The following APBB1 variants were observed in gnomAD, a reference collection of about 807,000 sequenced individuals.
The protein encoded by APBB1 is amyloid beta precursor protein binding family B member 1, also known as adaptor protein FE65a2.
A neutral mutation model predicts 78.4 loss-of-function variants in APBB1; 22 were observed. The observed-to-expected ratio is 0.28, with a 90% CI of 0.20 to 0.40. The LOEUF (loss-of-function observed/expected upper bound fraction) is 0.40, where lower values mean the gene tolerates loss of function less well. Among genes scored for constraint, APBB1 ranks in the 10% least tolerant of loss-of-function variants. APBB1 has a pLI of 1.00. For missense variants in APBB1, 749 were observed against 932.4 expected (o/e 0.80, Z 2.56); for synonymous variants, 369 against 372.7 (o/e 0.99, Z 0.12).
chr11:6,395,781 C>T lies in APBB1; in HGVS notation c.1965+5G>A, dbSNP rs1590752798. The T allele has an allele frequency of 1.2e-6, 2 of 1,611,400 alleles. No homozygotes were observed. The highest frequency in any genetic ancestry group is 2.2e-5 in the East Asian group (1 of 44,870). The stretch of plus-strand genomic sequence containing the variant: ...CACCACCACACCACCCTACTAGTAG[C>T]TTACCATGCACGCAGCCTGCACAGC... On this transcript the variant is annotated splice_donor_5th_base_variant and intron_variant, in intron 14 of 14. Transcript: ENST00000609360. The surrounding 1 kb of genome is among the most constrained non-coding windows in gnomAD (Gnocchi z 5.2).
At chr11:6,408,629 C>T (rs56400934) in intron 2 of APBB1, among the ~76,000 whole-genome samples, 2 of 152,074 alleles carry the variant, frequency 1.3e-5, no homozygotes, top group East Asian at 1.9e-4. Flanking sequence ...CTCAACCTCC[C>T]GAGTAGCTGG....
At chr11:6,409,126 G>A (rs1848894748) in intron 2 of APBB1, among the ~76,000 whole-genome samples, 1 of 152,090 alleles carries the variant, frequency 6.6e-6, no homozygotes, top group African/African-American at 2.4e-5. Context: ...CTGGAATGCA[G>A]TGGCTCAATC....
At chr11:6,414,943 G>A (rs1849083109) in intron 1 of APBB1, among the ~76,000 whole-genome samples, 1 of 152,208 alleles carries the variant, frequency 6.6e-6, no homozygotes, top group Non-Finnish European at 1.5e-5. Context: ...TGCACTGTGA[G>A]GCTGAAACAG....
At chr11:6,419,445 G>T (rs1483898723), upstream of APBB1, 1 of 160,574 alleles carries the variant, frequency 6.2e-6, no homozygotes, top group African/African-American at 2.4e-5. Flanking sequence ...CCGCGGCCGC[G>T]CGGGGAAGGA....
In APBB1 at chr11:6,401,420, C is replaced by T. The variant is rs754789288; in HGVS notation, c.1513G>A (p.Glu505Lys). ...LHEICSKIMA[E>K]RRNARCLVNG... ...ACCAAGCAGCGGGCATTACGCCGTT[C>T]GGCCATGATCTGAGGAAGGAAGGGA... Residue 505 changes from glutamate to lysine, a missense_variant, in exon 11 of 15, where the codon GAA becomes AAA. This residue lies in a region of APBB1 where 635 missense variants were observed against 765.0 expected (regional missense o/e 0.83). Transcript: ENST00000609360. The surrounding 1 kb of genome is among the most constrained non-coding windows in gnomAD (Gnocchi z 4.5). The T allele has an allele frequency of 5.0e-6, 8 of 1,613,568 alleles. No homozygotes were observed. Among genetic ancestry groups the T allele is most frequent in the Admixed American group, 1.7e-5 (1 of 59,978 alleles).
chr11:6,410,103 G>A (rs12269889), intron 2 of APBB1, among the ~76,000 whole-genome samples: 4,229 of 151,286 alleles, frequency 0.028, 200 homozygotes, highest in African/African-American at 0.097. Context: ...AAACGGGGCC[G>A]ACTGTCCCAA....
In APBB1 at chr11:6,395,681, C is replaced by T; in HGVS notation, c.1986G>A (p.Leu662=). ...AACMLRYQKC[L]DARSQASTSC... ...AGGTGGAGGCCTGGGAACGGGCATCCAGACACTTCTGGTAGCGAAGCTGCG... is the reference window on the plus strand; with the variant it reads ...AGGTGGAGGCCTGGGAACGGGCATCTAGACACTTCTGGTAGCGAAGCTGCG... The change falls in exon 15 of 15, where the codon CTG becomes CTA. Residue 662 remains leucine (L), a synonymous_variant. Coordinates refer to ENST00000609360, the MANE Select transcript of APBB1 (RefSeq NM_001164.5). The surrounding 1 kb of genome is among the most constrained non-coding windows in gnomAD (Gnocchi z 5.2). 1.3e-6 allele frequency: 2 copies of T among 1,589,442 alleles called. No homozygotes were observed. Among genetic ancestry groups the T allele is most frequent in the Non-Finnish European group, 8.6e-7 (1 of 1,167,204 alleles).
chr11:6,415,532 C>A (rs1278205944), intron 1 of APBB1, among the ~76,000 whole-genome samples: 1 of 152,142 alleles, frequency 6.6e-6, no homozygotes, highest in African/African-American at 2.4e-5. Flanking sequence ...GACTGAATAT[C>A]ATGAAGGAGG....
At position 6,401,267 on chromosome 11, in the gene APBB1, A is replaced by G. The variant is rs1848484916; in HGVS notation, c.1588+78T>C. 4 of 1,613,088 alleles carry G rather than the reference A, an allele frequency of 2.5e-6. No homozygotes were observed. Among genetic ancestry groups the G allele is most frequent in the Middle Eastern group, 1.6e-4 (1 of 6,062 alleles). ...GTTCATTTTTCTATCAGCGCTGTCCAGGAGCTCATGCCTTTCCTTGGGTCA... is the reference window on the plus strand; with the variant it reads ...GTTCATTTTTCTATCAGCGCTGTCCGGGAGCTCATGCCTTTCCTTGGGTCA... On this transcript the variant is annotated intron_variant, in intron 11 of 14. Transcript: ENST00000609360. The surrounding 1 kb of genome is among the most constrained non-coding windows in gnomAD (Gnocchi z 4.5).
At chr11:6,407,359 C>T (rs1366748040) in intron 2 of APBB1, among the ~76,000 whole-genome samples, 1 of 152,124 alleles carries the variant, frequency 6.6e-6, no homozygotes, top group African/African-American at 2.4e-5. Flanking sequence ...CTCCTAGAAG[C>T]TTCATAGGTA....
At chr11:6,398,723 G>A (rs995915541) in intron 12 of APBB1, among the ~76,000 whole-genome samples, 7 of 152,196 alleles carry the variant, frequency 4.6e-5, no homozygotes, top group East Asian at 1.9e-4. Context: ...CAGTGCCATC[G>A]AATCCAAATG....
At position 6,402,408 on chromosome 11, in the gene APBB1, C is replaced by T. The variant is rs994383588; in HGVS notation, c.1254+168G>A. The T allele has an allele frequency of 5.5e-6, 6 of 1,082,712 alleles. No individual in the cohort carries two copies. The African/African-American group carries it at 9.5e-5, about 17-fold the overall frequency. 67.1% of individuals were successfully genotyped at this position (1,082,712 alleles called of 1,614,324 possible). On this transcript the variant is annotated intron_variant, in intron 7 of 14. Transcript: ENST00000609360. ...CTCCACCGTTGTTAGGCGACTATCT[C>T]CCAAGGTCCTGGCCTGGGGTCGCTC...
At position 6,411,061 on chromosome 11, in the gene APBB1, G is replaced by A. The variant is rs138898127; in HGVS notation, c.287C>T (p.Ala96Val). Residue 96 changes from alanine to valine, a missense_variant, in exon 2 of 15, where the codon GCG (alanine) becomes GTG (valine). Around this residue, in one of 3 missense-constraint regions of APBB1, gnomAD observed 635 missense variants for 765.0 expected, o/e 0.83. Coordinates refer to ENST00000609360, the MANE Select transcript of APBB1 (RefSeq NM_001164.5). This position sits in a 1 kb window ranked among gnomAD's most constrained non-coding sequence, Gnocchi z 5.2. ...DQNRNVTLTL[A>V]EEASQEPEMA... The stretch of plus-strand genomic sequence containing the variant: ...CTCAGGCTCCTGGCTGGCCTCCTCC[G>A]CCAAGGTCAAGGTCACATTGCGATT... The A allele has an allele frequency of 3.0e-5, 49 of 1,613,730 alleles. No individual in the cohort carries two copies. Among genetic ancestry groups the A allele is most frequent in the African/African-American group, 2.0e-4 (15 of 74,934 alleles).
chr11:6,402,033 T>C (rs764337252), intron 8 of APBB1, 49 bp downstream of exon 8: 2 of 1,607,756 alleles, frequency 1.2e-6, no homozygotes, highest in South Asian at 2.2e-5. Flanking sequence ...AGAGGAGGAC[T>C]CTGATGCTGG....
chr11:6,412,875 T>A (rs1849007545), intron 1 of APBB1, among the ~76,000 whole-genome samples: 2 of 152,104 alleles, frequency 1.3e-5, no homozygotes, highest in African/African-American at 4.8e-5. Context: ...GCCTCTCAGG[T>A]AAGAGGACGT....
chr11:6,403,385 G>A lies in APBB1; in HGVS notation c.974C>T (p.Ala325Val). 3.1e-6 allele frequency: 5 copies of A among 1,614,140 alleles called. No homozygotes were observed. Among genetic ancestry groups the A allele is most frequent in the Non-Finnish European group, 4.2e-6 (5 of 1,180,008 alleles). ...TTCCTTCAGTCCCAGCTCCATTGGG[G>A]CCTCATCACTGGGTTCATCCTTGGG... ...EFWKDEPSDE[A>V]PMELGLKEPE... The change falls in exon 5 of 15, where the codon GCC becomes GTC. Residue 325 changes from alanine to valine, a missense_variant. Transcript: ENST00000609360. The surrounding 1 kb of genome is among the most constrained non-coding windows in gnomAD (Gnocchi z 5.3).
In APBB1 at chr11:6,395,645, T is replaced by C. The variant is rs1395803148; in HGVS notation, c.2022A>G (p.Pro674=). ...ARSQASTSCL[P]APPAESVARR... ...GTGCCACAGACTCAGCAGGGGGTGCTGGGAGGCAGGAGGTGGAGGCCTGGG... is the reference window on the plus strand; with the variant it reads ...GTGCCACAGACTCAGCAGGGGGTGCCGGGAGGCAGGAGGTGGAGGCCTGGG... The change falls in exon 15 of 15, where the codon CCA becomes CCG. Residue 674 remains proline, a synonymous_variant. Transcript: ENST00000609360. The surrounding 1 kb of genome is among the most constrained non-coding windows in gnomAD (Gnocchi z 5.2). 1.1e-5 allele frequency: 17 copies of C among 1,595,664 alleles called. No homozygotes were observed. Among genetic ancestry groups the C allele is most frequent in the Non-Finnish European group, 1.4e-5 (16 of 1,169,658 alleles).
At chr11:6,408,348 A>T (rs1848871286) in intron 2 of APBB1, among the ~76,000 whole-genome samples, 1 of 152,236 alleles carries the variant, frequency 6.6e-6, no homozygotes, top group South Asian at 2.1e-4. Flanking sequence ...GAACTTGATC[A>T]AACATAACTT....
intron 2 of APBB1, among the ~76,000 whole-genome samples, chr11:6,409,305 G>C (rs1848900125): frequency 6.6e-6 from 1 of 150,978 alleles, no homozygotes; most frequent in Non-Finnish European, 1.5e-5. Context: ...GAACTCTTGG[G>C]CTCAAGCAAT....
Sources: allele counts gnomAD v4.1 joint callset (sites outside exome capture counted in the v4.1 genomes callset), GRCh38; gene constraint gnomAD v4.1.1; regional missense constraint gnomAD v4.1.1; non-coding constraint Gnocchi (gnomAD v3.1); transcripts MANE v1.5; gene names NCBI Gene and HGNC (gene_info 2026-07-23, HGNC 2026-07-21).